The following BICC1 variants were observed in gnomAD, a reference collection of about 807,000 sequenced individuals.
BICC1 encodes the protein BicC family RNA binding protein 1.
BICC1 carries 43 observed loss-of-function variants against 111.0 expected under a neutral mutation model. The ratio of observed to expected loss-of-function variants is 0.39; its 90% CI spans 0.30 to 0.50. The LOEUF (loss-of-function observed/expected upper bound fraction) is 0.50. Among genes scored for constraint, BICC1 ranks in the 20% least tolerant of loss-of-function variants. The probability of loss-of-function intolerance (pLI) is 0.88; values close to 1 mark genes in which losing one functional copy is unlikely to be tolerated. For missense variants in BICC1, 1,091 were observed against 1,203.2 expected (o/e 0.91, Z 1.38); for synonymous variants, 467 against 434.4 (o/e 1.07, Z -0.93).
chr10:58,562,701 A>G (rs955724103), intron 1 of BICC1, among the ~76,000 whole-genome samples: 10 of 151,534 alleles, frequency 6.6e-5, no homozygotes, highest in Non-Finnish European at 1.0e-4. Flanking sequence ...GTGGTCTTAC[A>G]TTGATATCTG....
rs562502364 is a variant in BICC1 at position 58,775,361 on chromosome 10, G to A, written c.308-9640G>A. Among the ~76,000 whole-genome samples the A allele has an allele frequency of 1.2e-3, 187 of 150,762 alleles. 1 individual carries two copies. Among genetic ancestry groups the A allele is most frequent in the African/African-American group, 4.0e-3 (163 of 40,978 alleles). ...TGCACTCCAGCCTGGGTGACAGAGC[G>A]AGACTCTGTCTCAAAAAAAAACAAA... is the stretch of plus-strand genomic sequence containing the variant. On this transcript the variant is annotated intron_variant, in intron 3 of 20. Coordinates refer to ENST00000373886, the MANE Select transcript of BICC1 (RefSeq NM_001080512.3).
intron 1 of BICC1, among the ~76,000 whole-genome samples, chr10:58,532,330 CT>C (rs1842703329): frequency 6.6e-6 from 1 of 151,134 alleles, no homozygotes. Flanking sequence ...GGATTTCAAA[CT>C]TTTTTTTGGC....
intron 1 of BICC1, among the ~76,000 whole-genome samples, chr10:58,518,483 T>C (rs1447508299): frequency 6.6e-6 from 1 of 151,744 alleles, no homozygotes; most frequent in African/African-American, 2.4e-5. Flanking sequence ...AGCAGTACTG[T>C]CTCACATGAT....
rs191591115 is a variant in BICC1, at chr10:58,644,266, G to A, written c.237+23365G>A. On this transcript the variant is annotated intron_variant, in intron 2 of 20. Coordinates refer to ENST00000373886, the MANE Select transcript of BICC1 (RefSeq NM_001080512.3). Reference sequence around the variant, plus strand: ...AGATCTCTCAATTCTCAGGGAAACCGCGTGGCTTTATTCTTATTTTAGAGA... The same window carrying A: ...AGATCTCTCAATTCTCAGGGAAACCACGTGGCTTTATTCTTATTTTAGAGA... 1.9e-4 allele frequency among the ~76,000 whole-genome samples: 29 copies of A among 152,262 alleles called. No homozygotes were observed. The East Asian group carries it at 5.4e-3, about 28-fold the overall frequency.
intron 2 of BICC1, among the ~76,000 whole-genome samples, chr10:58,659,180 T>C (rs1838760193): frequency 6.6e-6 from 1 of 152,084 alleles, no homozygotes; most frequent in African/African-American, 2.4e-5. Flanking sequence ...TGGAAAGCAG[T>C]TTGGTGATTT....
At chr10:58,818,710 T>A (rs1844171168) in intron 19 of BICC1, among the ~76,000 whole-genome samples, 1 of 152,092 alleles carries the variant, frequency 6.6e-6, no homozygotes, top group African/African-American at 2.4e-5. Context: ...TTCCCCTACA[T>A]CTGAGTTAGT....
At chr10:58,641,711 G>A (rs1838129171) in intron 2 of BICC1, among the ~76,000 whole-genome samples, 1 of 151,998 alleles carries the variant, frequency 6.6e-6, no homozygotes, top group African/African-American at 2.4e-5. Context: ...TTGGCTGTGG[G>A]GTTAACAATG....
At chr10:58,663,284 C>G (rs1252593150) in intron 2 of BICC1, among the ~76,000 whole-genome samples, 1 of 152,028 alleles carries the variant, frequency 6.6e-6, no homozygotes, top group Non-Finnish European at 1.5e-5. Context: ...CCAGGCTGGT[C>G]TCGAACTCCT....
At chr10:58,707,917 G>T (rs1388749911) in intron 3 of BICC1, among the ~76,000 whole-genome samples, 1 of 152,056 alleles carries the variant, frequency 6.6e-6, no homozygotes, top group Non-Finnish European at 1.5e-5. Context: ...GGCTGGTCTC[G>T]AGCTCCCGAC....
intron 1 of BICC1, among the ~76,000 whole-genome samples, chr10:58,562,078 A>G (rs1297113692): frequency 1.3e-5 from 2 of 152,076 alleles, no homozygotes; most frequent in African/African-American, 4.8e-5. Context: ...GACAGTTTTC[A>G]GTAATGTGCC....
intron 2 of BICC1, among the ~76,000 whole-genome samples, chr10:58,679,621 G>A (rs550652490): frequency 3.9e-5 from 6 of 152,300 alleles, no homozygotes; most frequent in Admixed American, 3.3e-4. Flanking sequence ...AGAGGAGCTG[G>A]TACCATTCCT....
chr10:58,639,152 T>A (rs1340414372), intron 2 of BICC1, among the ~76,000 whole-genome samples: 1 of 152,146 alleles, frequency 6.6e-6, no homozygotes, highest in Non-Finnish European at 1.5e-5. Flanking sequence ...GTCACCATGT[T>A]GTATAATAGA....
intron 3 of BICC1, among the ~76,000 whole-genome samples, chr10:58,758,081 A>G (rs995191362): frequency 2.6e-5 from 4 of 152,056 alleles, no homozygotes; most frequent in Admixed American, 1.3e-4. Context: ...AAAAAAAAAT[A>G]TATGTAGTTT....
chr10:58,710,151 G>A (rs1840527816), intron 3 of BICC1, among the ~76,000 whole-genome samples: 1 of 152,188 alleles, frequency 6.6e-6, no homozygotes. Flanking sequence ...TGAGGTGGTA[G>A]TATTTTCATT....
chr10:58,525,487 T>A (rs1168807930), intron 1 of BICC1, among the ~76,000 whole-genome samples: 1 of 125,868 alleles, frequency 7.9e-6, no homozygotes, highest in Non-Finnish European at 1.6e-5. Context: ...CCGCATGTTC[T>A]CACTCATAGG....
intron 2 of BICC1, among the ~76,000 whole-genome samples, chr10:58,640,716 G>T (rs1838097233): frequency 6.6e-6 from 1 of 152,124 alleles, no homozygotes; most frequent in Admixed American, 6.5e-5. Context: ...TGCCATTATG[G>T]AGCAAACATA....
At chr10:58,757,370 C>T (rs1842176674) in intron 3 of BICC1, among the ~76,000 whole-genome samples, 1 of 152,058 alleles carries the variant, frequency 6.6e-6, no homozygotes, top group South Asian at 2.1e-4. Flanking sequence ...AAATATAGTA[C>T]CAATTTATCT....
At chr10:58,717,826 C>G (rs2132509668) in intron 3 of BICC1, among the ~76,000 whole-genome samples, 1 of 152,178 alleles carries the variant, frequency 6.6e-6, no homozygotes, top group Admixed American at 6.5e-5. Flanking sequence ...TTCCAAATGA[C>G]TCTTGAACTC....
chr10:58,727,517 A>G (rs1034717859), intron 3 of BICC1, among the ~76,000 whole-genome samples: 48 of 151,820 alleles, frequency 3.2e-4, no homozygotes, highest in African/African-American at 9.4e-4. Flanking sequence ...AGCTCGGGAG[A>G]CTGAGGCTAC....
Sources: allele counts gnomAD v4.1 joint callset (sites outside exome capture counted in the v4.1 genomes callset), GRCh38; gene constraint gnomAD v4.1.1; transcripts MANE v1.5; gene names NCBI Gene and HGNC (gene_info 2026-07-23, HGNC 2026-07-21).